BLMH: variants seen among roughly 807,000 people sequenced by gnomAD.
BLMH encodes bleomycin hydrolase.
Under a neutral mutation model 61.6 loss-of-function variants are expected in BLMH, and 32 were observed. The ratio of observed to expected loss-of-function variants is 0.52; its 90% confidence interval spans 0.39 to 0.70. The LOEUF is 0.70. BLMH is among the 30% of genes least tolerant of loss of function. The pLI is 0.00. For missense variants in BLMH, 460 were observed against 555.5 expected, an observed-to-expected ratio of 0.83 and a Z score of 1.73; for synonymous variants, 183 against 193.8, an observed-to-expected ratio of 0.94 and a Z score of 0.46.
intron 2 of BLMH, 38 bp downstream of exon 2, chr17:30,291,273 A>T: frequency 6.3e-7 from 1 of 1,586,080 alleles, no homozygotes; most frequent in Non-Finnish European, 8.6e-7. Flanking sequence ...CGCTGTCAGG[A>T]AGGTCAAGGA....
chr17:30,279,207 A>T (rs1908513364), intron 6 of BLMH, among the ~76,000 whole-genome samples: 1 of 152,218 alleles, frequency 6.6e-6, no homozygotes, highest in Non-Finnish European at 1.5e-5. Flanking sequence ...GATTCTAATT[A>T]TTCCCTTAAA....
At chr17:30,280,499 C>T (rs1219186473) in intron 6 of BLMH, among the ~76,000 whole-genome samples, 1 of 152,072 alleles carries the variant, frequency 6.6e-6, no homozygotes, top group Admixed American at 6.6e-5. Context: ...TTTTAAGAGA[C>T]AGGGTGTCCC....
At chr17:30,258,620 A>C (rs1293057940) in intron 11 of BLMH, among the ~76,000 whole-genome samples, 1 of 152,192 alleles carries the variant, frequency 6.6e-6, no homozygotes, top group Admixed American at 6.5e-5. Flanking sequence ...AGGAGCCCAG[A>C]AGAAGCCTGT....
intron 10 of BLMH, among the ~76,000 whole-genome samples, chr17:30,267,500 T>C (rs991156273): frequency 2.0e-5 from 3 of 152,192 alleles, no homozygotes; most frequent in African/African-American, 7.2e-5. Flanking sequence ...ATGCATTCTT[T>C]TACTGATCCA....
At chr17:30,254,791 A>G (rs1239059538) in intron 11 of BLMH, among the ~76,000 whole-genome samples, 11 of 152,154 alleles carry the variant, frequency 7.2e-5, no homozygotes, top group Admixed American at 7.2e-4. Flanking sequence ...CAATCCCACC[A>G]CCTTGGGACA....
At position 30,272,801 on chromosome 17, in the gene BLMH, G is replaced by T; in HGVS notation, c.900C>A (p.Tyr300Ter). The change falls in exon 8 of 12, where the codon TAC (tyrosine) becomes TAA (stop). Residue 300 changes from tyrosine (Y) to a stop codon, truncating the protein, a stop_gained. Transcript: ENST00000261714. LOFTEE classifies it high-confidence loss of function. ...SNMVGGRKTL[Y>*]NNQPIDFLKK... is the part of the protein sequence containing the mutation. ...TCAGGAAGTCAATGGGCTGGTTGTT[G>T]TATAGAGTTTTTCTCCCTCCAACCA... The T allele has an allele frequency of 6.2e-7, 1 of 1,614,210 alleles. No individual in the cohort carries two copies. Among genetic ancestry groups the T allele is most frequent in the Non-Finnish European group, 8.5e-7 (1 of 1,180,052 alleles).
Position 30,272,837 on chromosome 17 carries a change from G to C in BLMH, c.864C>G (p.Tyr288Ter). 1 of 1,614,124 alleles carries C rather than the reference G, an allele frequency of 6.2e-7. No individual in the cohort carries two copies. The highest frequency in any genetic ancestry group is 8.5e-7 in the Non-Finnish European group (1 of 1,180,010). The part of the protein sequence containing the change: ...HKYNKLYTVE[Y>*]LSNMVGGRKT... ...TTCTCCCTCCAACCATATTGCTTAA[G>C]TATTCCACTGTGTAAAGTTTGTTGT... The change falls in exon 8 of 12, where the codon TAC (tyrosine) becomes TAG (stop). Residue 288 changes from tyrosine to a stop codon, truncating the protein, a stop_gained. Transcript: ENST00000261714. LOFTEE classifies it high-confidence loss of function.
intron 6 of BLMH, among the ~76,000 whole-genome samples, chr17:30,284,939 T>C (rs1311835282): frequency 2.0e-5 from 3 of 152,226 alleles, no homozygotes; most frequent in African/African-American, 7.2e-5. Flanking sequence ...TCAAGAGCTA[T>C]CTTCCCTATG....
intron 6 of BLMH, among the ~76,000 whole-genome samples, chr17:30,278,685 C>T (rs137969451): frequency 3.7e-4 from 56 of 152,038 alleles, no homozygotes; most frequent in African/African-American, 9.6e-4. Flanking sequence ...TGGGGGGGAG[C>T]GGGGGACAGA....
chr17:30,271,623 A>T (rs997955194), intron 9 of BLMH: 1 of 368,724 alleles, frequency 2.7e-6, no homozygotes, highest in Non-Finnish European at 4.9e-6. Context: ...GATTAAACAT[A>T]AATTCTCCAC....
At chr17:30,284,363 T>C (rs1464931068) in intron 6 of BLMH, among the ~76,000 whole-genome samples, 1 of 152,166 alleles carries the variant, frequency 6.6e-6, no homozygotes, top group Non-Finnish European at 1.5e-5. Context: ...CTTCAGAGAT[T>C]ACACACTCCA....
At chr17:30,270,739 C>T (rs904007871) in intron 10 of BLMH, among the ~76,000 whole-genome samples, 2 of 152,068 alleles carry the variant, frequency 1.3e-5, no homozygotes, top group African/African-American at 2.4e-5. Context: ...AACTCTATAA[C>T]CTATAAAAAG....
At chr17:30,266,523 CAA>C (rs770078465) in intron 11 of BLMH, among the ~76,000 whole-genome samples, 2,864 of 52,980 alleles carry the variant, frequency 0.054, 72 homozygotes, top group African/African-American at 0.16. Context: ...AGACTCTGTC[CAA>C]AAAAAAAAAA....
At chr17:30,272,364 T>C (rs571399755) in intron 9 of BLMH, 197 bp downstream of exon 9, 2 of 622,192 alleles carry the variant, frequency 3.2e-6, no homozygotes, top group Non-Finnish European at 5.7e-6. Context: ...GGGATTTTGA[T>C]GTCCTGGGTT....
intron 6 of BLMH, among the ~76,000 whole-genome samples, chr17:30,274,700 G>C (rs749510789): frequency 6.6e-6 from 1 of 152,078 alleles, no homozygotes; most frequent in African/African-American, 2.4e-5. Context: ...AGAAGAGGAG[G>C]GCCAGGTGCA....
chr17:30,267,842 C>T (rs370998183), intron 10 of BLMH, among the ~76,000 whole-genome samples: 2 of 152,188 alleles, frequency 1.3e-5, no homozygotes, highest in Non-Finnish European at 1.5e-5. Context: ...CCTGTATTAT[C>T]GCCTAATGAT....
At position 30,248,905 on chromosome 17, in the gene BLMH, T is replaced by A; in HGVS notation, c.*112A>T. ...TCCTGGTGGAGACTGGAAATCTGAC[T>A]GTGTCCTGTGGCAACACACAGTCCC... On this transcript the variant is annotated 3_prime_UTR_variant, in exon 12 of 12. Coordinates refer to ENST00000261714, the MANE Select transcript of BLMH (RefSeq NM_000386.4). 1 of 1,338,504 alleles carries A rather than the reference T, an allele frequency of 7.5e-7. No individual in the cohort carries two copies. The highest frequency in any genetic ancestry group is 2.3e-5 in the East Asian group (1 of 43,050). The allele number at this position is 1,338,504 out of a possible 1,614,324, so 82.9% of individuals were successfully genotyped here.
chr17:30,287,148 C>T (rs866365146), intron 4 of BLMH, among the ~76,000 whole-genome samples: 2 of 152,066 alleles, frequency 1.3e-5, no homozygotes, highest in African/African-American at 4.8e-5. Flanking sequence ...CAGGCTTGAC[C>T]TCCTGAGTAG....
chr17:30,288,182 A>G (rs966995179), intron 3 of BLMH: 5 of 387,020 alleles, frequency 1.3e-5, no homozygotes, highest in African/African-American at 2.1e-5. Flanking sequence ...AAGCACCATA[A>G]TAAGTATTTT....
Sources: gnomAD v4.1 joint callset for allele counts (sites outside exome capture counted in the v4.1 genomes callset) on GRCh38, gnomAD v4.1.1 for gene constraint, MANE v1.5 for transcripts, NCBI Gene and HGNC (gene_info 2026-07-23, HGNC 2026-07-21) for gene names.